TENM3: variants seen among roughly 807,000 people sequenced by gnomAD.
TENM3 encodes the protein teneurin transmembrane protein 3.
Under a neutral mutation model 255.1 loss-of-function variants are expected in TENM3, and 63 were observed. That is an observed-to-expected ratio of 0.25 (90% CI 0.20 to 0.30). The LOEUF (loss-of-function observed/expected upper bound fraction) is 0.30. TENM3 is among the 10% of genes least tolerant of loss of function. The probability of loss-of-function intolerance (pLI) is 1.00; values close to 1 mark genes in which losing one functional copy is unlikely to be tolerated. For missense variants in TENM3, 2,929 were observed against 3,461.1 expected, an observed-to-expected ratio of 0.85 and a Z score of 3.86; for synonymous variants, 1,306 against 1,322.3, an observed-to-expected ratio of 0.99 and a Z score of 0.27.
intron 5 of TENM3, among the ~76,000 whole-genome samples, chr4:182,634,452 G>T (rs1751672099): frequency 1.3e-5 from 2 of 152,042 alleles, no homozygotes; most frequent in Admixed American, 1.3e-4. Context: ...AAAATCAAAT[G>T]TACATATGGT....
the TENM3 span, among the ~76,000 whole-genome samples, chr4:181,806,310 G>C: frequency 6.6e-6 from 1 of 152,200 alleles, no homozygotes; most frequent in African/African-American, 2.4e-5. Context: ...TCTTGAGACA[G>C]ACTGGATCTT....
intron 11 of TENM3, among the ~76,000 whole-genome samples, chr4:182,687,106 G>A (rs1423576191): frequency 6.6e-6 from 1 of 152,070 alleles, no homozygotes; most frequent in African/African-American, 2.4e-5. Flanking sequence ...CAGAACATGT[G>A]ACTACATAAA....
At chr4:182,117,625 C>G in the TENM3 span, among the ~76,000 whole-genome samples, 1 of 152,158 alleles carries the variant, frequency 6.6e-6, no homozygotes, top group East Asian at 1.9e-4. Flanking sequence ...TGATTTGTTT[C>G]TAGACTTTCT....
At chr4:181,619,719 G>C in the TENM3 span, among the ~76,000 whole-genome samples, 3 of 152,084 alleles carry the variant, frequency 2.0e-5, no homozygotes, top group East Asian at 5.8e-4. Flanking sequence ...ATGAGCCACT[G>C]TACCTAACCT....
the TENM3 span, among the ~76,000 whole-genome samples, chr4:181,821,343 C>T: frequency 2.0e-4 from 30 of 152,162 alleles, no homozygotes; most frequent in Non-Finnish European, 3.2e-4. Context: ...ATCTCTTCCC[C>T]CTTTGAATCC....
At chr4:182,092,143 C>T in the TENM3 span, among the ~76,000 whole-genome samples, 34 of 152,132 alleles carry the variant, frequency 2.2e-4, no homozygotes, top group South Asian at 6.9e-3. Context: ...AGTTCAAAAC[C>T]AGCCTGGCCA....
chr4:182,176,821 A>ATTTTTTTTTTTT (rs529637466), intron 1 of TENM3, among the ~76,000 whole-genome samples: 1 of 113,358 alleles, frequency 8.8e-6, no homozygotes, highest in African/African-American at 3.3e-5. Flanking sequence ...CATCCGGCTA[A>ATTTTTTTTTTTT]TTTTTTTTTT....
chr4:181,694,488 A>G, the TENM3 span, among the ~76,000 whole-genome samples: 1 of 152,196 alleles, frequency 6.6e-6, no homozygotes, highest in East Asian at 1.9e-4. Context: ...ATCCATTTCC[A>G]GTTTTAAAGC....
chr4:182,441,584 G>A (rs1046757632), intron 3 of TENM3, among the ~76,000 whole-genome samples: 2 of 152,088 alleles, frequency 1.3e-5, no homozygotes, highest in African/African-American at 4.8e-5. Flanking sequence ...CACAACCTCT[G>A]CCTCCCAGGT....
intron 3 of TENM3, among the ~76,000 whole-genome samples, chr4:182,364,674 C>T (rs977289470): frequency 6.6e-5 from 10 of 152,218 alleles, no homozygotes; most frequent in Admixed American, 1.3e-4. Context: ...TCGTCTCGGC[C>T]TCCCATAGTG....
chr4:181,784,615 A>G, the TENM3 span, among the ~76,000 whole-genome samples: 1 of 152,084 alleles, frequency 6.6e-6, no homozygotes, highest in Non-Finnish European at 1.5e-5. Flanking sequence ...CCAAGCATCA[A>G]ATTCATTTGA....
In TENM3 at chr4:182,246,520, T is replaced by G. The variant is rs1003500453; in HGVS notation, c.-76+3044T>G. On this transcript the variant is annotated intron_variant, in intron 1 of 27. Coordinates refer to ENST00000511685, the MANE Select transcript of TENM3 (RefSeq NM_001080477.4). ...GTGGTGTTGGATAAGAGACTAAAAA[T>G]AGAGCCGGAGTAGTAGTTTGAATCC... Among the ~76,000 whole-genome samples the G allele has an allele frequency of 2.0e-5, 3 of 152,108 alleles. No homozygotes were observed. In the East Asian group the frequency reaches 5.8e-4, roughly 29 times the overall value.
intron 3 of TENM3, among the ~76,000 whole-genome samples, chr4:182,385,952 G>A (rs918693973): frequency 6.6e-6 from 1 of 152,102 alleles, no homozygotes; most frequent in Non-Finnish European, 1.5e-5. Context: ...TGTCATTTCT[G>A]ATTTTATACC....
chr4:182,118,064 A>G, the TENM3 span, among the ~76,000 whole-genome samples: 1 of 152,160 alleles, frequency 6.6e-6, no homozygotes, highest in African/African-American at 2.4e-5. Flanking sequence ...AATTGCTGCT[A>G]TACAGAAAAG....
chr4:182,014,263 C>G, the TENM3 span, among the ~76,000 whole-genome samples: 1 of 151,672 alleles, frequency 6.6e-6, no homozygotes, highest in Non-Finnish European at 1.5e-5. Flanking sequence ...TGCTAACACA[C>G]TGGGGAGCTA....
chr4:181,595,127 T>C, the TENM3 span, among the ~76,000 whole-genome samples: 1 of 152,124 alleles, frequency 6.6e-6, no homozygotes, highest in African/African-American at 2.4e-5. Flanking sequence ...CCCTGCATGA[T>C]TTTCTACTAA....
the TENM3 span, among the ~76,000 whole-genome samples, chr4:182,068,265 C>T: frequency 1.4e-4 from 21 of 151,946 alleles, 1 homozygote; most frequent in Admixed American, 2.6e-4. Context: ...TCCATATTTG[C>T]GCTTCCCATT....
At chr4:182,156,348 T>C (rs546078427) in intron 1 of TENM3, among the ~76,000 whole-genome samples, 1 of 152,302 alleles carries the variant, frequency 6.6e-6, no homozygotes, top group South Asian at 2.1e-4. Flanking sequence ...TTCTTTTCTT[T>C]TTTTGAATAA....
the TENM3 span, among the ~76,000 whole-genome samples, chr4:181,671,988 C>T: frequency 0.31 from 47,147 of 152,052 alleles, 7,715 homozygotes; most frequent in Non-Finnish European, 0.36. Context: ...AAGATAACAT[C>T]TCTTGAAATT....
Sources: allele counts gnomAD v4.1 joint callset (sites outside exome capture counted in the v4.1 genomes callset), GRCh38; gene constraint gnomAD v4.1.1; transcripts MANE v1.5; gene names NCBI Gene and HGNC (gene_info 2026-07-23, HGNC 2026-07-21).